The following PCBD2 variants were observed in gnomAD, a reference collection of about 807,000 sequenced individuals.
The protein encoded by PCBD2 is pterin-4-alpha-carbinolamine dehydratase 2.
A neutral mutation model predicts 16.4 loss-of-function variants in PCBD2; 12 were observed. That is an observed-to-expected ratio of 0.73 (90% confidence interval 0.47 to 1.19). The LOEUF (loss-of-function observed/expected upper bound fraction) is 1.19. Among genes scored for constraint, PCBD2 ranks in the 50% most tolerant of loss-of-function variants. The probability of loss-of-function intolerance (pLI) is 0.00; values close to 1 mark genes in which losing one functional copy is unlikely to be tolerated. For synonymous variants in PCBD2, 58 were observed against 61.8 expected (o/e 0.94, Z 0.29); for missense variants, 138 against 156.8 (o/e 0.88, Z 0.64).
chr5:134,940,957 T>C (rs966370660), intron 2 of PCBD2, among the ~76,000 whole-genome samples: 5 of 151,994 alleles, frequency 3.3e-5, no homozygotes, highest in African/African-American at 9.6e-5. Context: ...CCGTCTCTAC[T>C]AAAAGTACAA....
chr5:134,922,117 T>G (rs1750910023), intron 2 of PCBD2, among the ~76,000 whole-genome samples: 1 of 152,162 alleles, frequency 6.6e-6, no homozygotes, highest in Non-Finnish European at 1.5e-5. Flanking sequence ...TCAGACAGGG[T>G]GAGTACCTTG....
At chr5:134,909,809 C>A (rs1041668263) in intron 1 of PCBD2, among the ~76,000 whole-genome samples, 2 of 152,182 alleles carry the variant, frequency 1.3e-5, no homozygotes, top group Non-Finnish European at 2.9e-5. Flanking sequence ...TCACTCATGC[C>A]TGTAATTCCA....
In PCBD2 at chr5:134,924,570, C is replaced by T. The variant is rs558820560; in HGVS notation, c.216+14104C>T. 2.5e-3 allele frequency: 977 copies of T among 398,340 alleles called. 8 individuals carry two copies. The highest frequency in any genetic ancestry group is 0.019 in the African/African-American group (921 of 48,516). 24.7% of individuals were successfully genotyped at this position (398,340 alleles called of 1,614,324 possible). A position where few individuals can be genotyped will look rare whatever the true frequency, so the allele number is the denominator to read the frequency against. Reference sequence around the variant, plus strand: ...TGCGGGGGCTTTGTATGATTATGGGCGTTGATTAGTAGTAGTTACTGGTTG... The same window carrying T: ...TGCGGGGGCTTTGTATGATTATGGGTGTTGATTAGTAGTAGTTACTGGTTG... On this transcript the variant is annotated intron_variant, in intron 2 of 3. Transcript: ENST00000254908.
intron 2 of PCBD2, chr5:134,924,968 G>A (rs1750966504): frequency 2.5e-6 from 1 of 392,466 alleles, no homozygotes. Flanking sequence ...GCTGTTAGAA[G>A]TCCTAGGGAA....
In PCBD2 at chr5:134,932,168, A is replaced by AT. The variant is rs768136160; in HGVS notation, c.216+21711dup. The stretch of plus-strand genomic sequence containing the variant: ...TTTTAATTCTGAGTTTCTTTAAACA[A>AT]TTTTTTTTTGTTTCTTTTTATTATT... On this transcript the variant is annotated intron_variant, in intron 2 of 3. Coordinates refer to ENST00000254908, the MANE Select transcript of PCBD2 (RefSeq NM_032151.5). Among the ~76,000 whole-genome samples the AT allele has an allele frequency of 6.2e-4, 94 of 151,612 alleles. 1 individual carries two copies. The highest frequency in any genetic ancestry group is 1.1e-3 in the Non-Finnish European group (77 of 67,864).
intron 2 of PCBD2, among the ~76,000 whole-genome samples, chr5:134,930,875 C>G (rs1362693139): frequency 2.0e-5 from 3 of 152,170 alleles, no homozygotes; most frequent in Non-Finnish European, 4.4e-5. Context: ...CTTTCCCTTT[C>G]CTTTTCTGTG....
At chr5:134,924,902 A>G in intron 2 of PCBD2, 3 of 389,518 alleles carry the variant, frequency 7.7e-6, no homozygotes, top group East Asian at 7.2e-5. Flanking sequence ...GAGAAGTAAA[A>G]TGTATACAGT....
chr5:134,943,791 T>A (rs1192745466), intron 2 of PCBD2, among the ~76,000 whole-genome samples: 1 of 152,220 alleles, frequency 6.6e-6, no homozygotes, highest in African/African-American at 2.4e-5. Flanking sequence ...TCTCATCCAC[T>A]TGTGTTTTAG....
At chr5:134,914,195 C>G (rs537823923) in intron 2 of PCBD2, among the ~76,000 whole-genome samples, 1 of 151,960 alleles carries the variant, frequency 6.6e-6, no homozygotes, top group Non-Finnish European at 1.5e-5. Context: ...GCCAATAGGC[C>G]GTTACATTCA....
At position 134,960,809 on chromosome 5, in the gene PCBD2, C is replaced by A; in HGVS notation, c.*128C>A. On this transcript the variant is annotated 3_prime_UTR_variant, in exon 4 of 4. Transcript: ENST00000254908. The stretch of plus-strand genomic sequence containing the variant: ...TAAGACAGAGTGTTGCTCTGTCGCC[C>A]AGGCCAGAGTGCAGTGGTATGATCT... 1 of 754,384 alleles carries A rather than the reference C, an allele frequency of 1.3e-6. No individual in the cohort carries two copies. Among genetic ancestry groups the A allele is most frequent in the Non-Finnish European group, 2.1e-6 (1 of 466,020 alleles). The allele number at this position is 754,384 out of a possible 1,614,324, so 46.7% of individuals were successfully genotyped here.
chr5:134,929,384 T>C (rs1197348281), intron 2 of PCBD2, among the ~76,000 whole-genome samples: 2 of 147,814 alleles, frequency 1.4e-5, no homozygotes, highest in Non-Finnish European at 3.0e-5. Flanking sequence ...ATCAGGTCAA[T>C]GTCATGTCAC....
intron 2 of PCBD2, among the ~76,000 whole-genome samples, chr5:134,916,697 A>T (rs1365108884): frequency 1.3e-5 from 2 of 152,262 alleles, no homozygotes; most frequent in African/African-American, 4.8e-5. Context: ...TGGATAGCTC[A>T]GATGGATACA....
chr5:134,940,359 A>T (rs1319391220), intron 2 of PCBD2, among the ~76,000 whole-genome samples: 1 of 152,076 alleles, frequency 6.6e-6, no homozygotes, highest in East Asian at 1.9e-4. Context: ...TCTGGGTTGT[A>T]CATTTCTTTT....
chr5:134,924,249 A>G (rs1750953406), intron 2 of PCBD2: 2 of 394,476 alleles, frequency 5.1e-6, no homozygotes, highest in African/African-American at 2.1e-5. Context: ...GTGTGTTATT[A>G]TTCTGAATTA....
At position 134,910,272 on chromosome 5, in the gene PCBD2, G is replaced by A. The variant is rs74661166; in HGVS notation, c.85-63G>A. ...TCTACATCTCTGCTTAAGGTAAGGA[G>A]CCATAAGTTTGAGTTTGAGTAAACT... On this transcript the variant is annotated intron_variant, in intron 1 of 3. Transcript: ENST00000254908. 581 of 1,533,710 alleles carry A rather than the reference G, an allele frequency of 3.8e-4. 1 individual carries two copies. The African/African-American group carries it at 7.2e-3, about 19-fold the overall frequency.
At chr5:134,938,122 C>T (rs539839970) in intron 2 of PCBD2, among the ~76,000 whole-genome samples, 2 of 152,188 alleles carry the variant, frequency 1.3e-5, no homozygotes, top group African/African-American at 4.8e-5. Flanking sequence ...GTTTCTCACA[C>T]GAGGAAACGT....
intron 2 of PCBD2, among the ~76,000 whole-genome samples, chr5:134,913,568 T>G (rs1317275087): frequency 1.3e-5 from 2 of 152,146 alleles, no homozygotes; most frequent in African/African-American, 4.8e-5. Context: ...TTGGATTTTA[T>G]TCTGTGAAGG....
In PCBD2 at chr5:134,923,799, G is replaced by C. The variant is rs1580881992; in HGVS notation, c.216+13333G>C. On this transcript the variant is annotated intron_variant, in intron 2 of 3. Transcript: ENST00000254908. ...GATGAAGAATATTGAGGCGCCATTGGCGTGAAGGTAGCGGATGATTCAGCC... is the reference window on the plus strand; with the variant it reads ...GATGAAGAATATTGAGGCGCCATTGCCGTGAAGGTAGCGGATGATTCAGCC... The C allele has an allele frequency of 1.0e-5, 4 of 393,818 alleles. No homozygotes were observed. In the East Asian group the frequency reaches 1.4e-4, roughly 14 times the overall value. The allele number at this position is 393,818 out of a possible 1,614,324, so 24.4% of individuals were successfully genotyped here.
intron 2 of PCBD2, among the ~76,000 whole-genome samples, chr5:134,914,856 A>G (rs1044631607): frequency 6.6e-6 from 1 of 152,004 alleles, no homozygotes; most frequent in Non-Finnish European, 1.5e-5. Flanking sequence ...TATTTATAGT[A>G]GAGATGGGGT....
Sources: gnomAD v4.1 joint callset for allele counts (sites outside exome capture counted in the v4.1 genomes callset) on GRCh38, gnomAD v4.1.1 for gene constraint, MANE v1.5 for transcripts, NCBI Gene and HGNC (gene_info 2026-07-23, HGNC 2026-07-21) for gene names.